LSG1: variants seen among roughly 807,000 people sequenced by gnomAD.
The protein encoded by LSG1 is large 60S subunit nuclear export GTPase 1.
A neutral mutation model predicts 82.6 loss-of-function variants in LSG1; 55 were observed. The observed-to-expected ratio is 0.67, with a 90% CI of 0.54 to 0.83. LSG1 has a LOEUF of 0.83. Ranked by LOEUF, LSG1 falls within the 40% of genes least tolerant of loss-of-function variation. The probability of loss-of-function intolerance (pLI) is 0.00; values close to 1 mark genes in which losing one functional copy is unlikely to be tolerated. For missense variants in LSG1, 809 were observed against 807.9 expected (o/e 1.00, Z -0.02); for synonymous variants, 272 against 282.5 (o/e 0.96, Z 0.37).
rs1718386160 is a variant in LSG1 at position 194,641,687 on chromosome 3, C to T, written c.*381G>A. On this transcript the variant is annotated 3_prime_UTR_variant, in exon 14 of 14. Coordinates refer to ENST00000265245, the MANE Select transcript of LSG1 (RefSeq NM_018385.3). ...GGAGTGCAGCGGCGCAATCTCCATT[C>T]ACTGCAAACTCTGCCTCCCTGGTTC... The T allele has an allele frequency of 6.3e-6, 1 of 158,686 alleles. No homozygotes were observed. Among genetic ancestry groups the T allele is most frequent in the Non-Finnish European group, 1.4e-5 (1 of 72,330 alleles). The allele number at this position is 158,686 out of a possible 1,614,324, so 9.8% of individuals were successfully genotyped here. A position where few individuals can be genotyped will look rare whatever the true frequency, so the allele number is the denominator to read the frequency against.
intron 7 of LSG1, among the ~76,000 whole-genome samples, chr3:194,655,158 T>C (rs1160283266): frequency 6.6e-6 from 1 of 152,194 alleles, no homozygotes; most frequent in African/African-American, 2.4e-5. Flanking sequence ...ATATCTTCCA[T>C]AAACTATACA....
chr3:194,649,911 T>A (rs1718638735), intron 10 of LSG1, among the ~76,000 whole-genome samples: 1 of 151,788 alleles, frequency 6.6e-6, no homozygotes, highest in African/African-American at 2.4e-5. Flanking sequence ...TGCAGTTTTT[T>A]TTTTCTTTCA....
chr3:194,651,120 AGTGCTTTGT>A lies in LSG1; in HGVS notation c.1261_1269del (p.Thr421_His423del), dbSNP rs758497127. 6.2e-7 allele frequency: 1 copy of A among 1,614,196 alleles called. No homozygotes were observed. Among genetic ancestry groups the A allele is most frequent in the East Asian group, 2.2e-5 (1 of 44,886 alleles). On this transcript the variant is annotated inframe_deletion, in exon 9 of 14. Coordinates refer to ENST00000265245, the MANE Select transcript of LSG1 (RefSeq NM_018385.3). ...GCAAAGCACCACAGAAATACCTGAA[AGTGCTTTGT>A]GTGACCAGGTGTGGCAGACACAGAT...
chr3:194,667,278 T>TGACCTCAGGTGATCCGCC (rs1183873961), intron 2 of LSG1, among the ~76,000 whole-genome samples: 1 of 152,116 alleles, frequency 6.6e-6, no homozygotes, highest in Non-Finnish European at 1.5e-5. Flanking sequence ...CTCGAACTAC[T>TGACCTCAGGTGATCCGCC]GACCTCAGGT....
chr3:194,667,676 C>G (rs947994523), intron 2 of LSG1, among the ~76,000 whole-genome samples: 3 of 151,572 alleles, frequency 2.0e-5, no homozygotes, highest in Admixed American at 6.6e-5. Context: ...GTAATCCCAG[C>G]ACTTTGGGAG....
In LSG1 at chr3:194,644,688, T is replaced by G; in HGVS notation, c.1682A>C (p.Gln561Pro). 1 of 1,610,654 alleles carries G rather than the reference T, an allele frequency of 6.2e-7. No individual in the cohort carries two copies. Among genetic ancestry groups the G allele is most frequent in the Non-Finnish European group, 8.5e-7 (1 of 1,178,094 alleles). The change falls in exon 13 of 14, where the codon CAA becomes CCA. Residue 561 changes from glutamine (Q) to proline (P), a missense_variant. Physicochemically the swap from Gln to Pro is moderately conservative, Grantham distance 76. Transcript: ENST00000265245. Reference protein sequence around the residue: ...PGRDPVTFQHQHQRLLENKMN... With the variant: ...PGRDPVTFQHPHQRLLENKMN... ...TTTGTTCTCTAGGAGTCGCTGGTGT[T>G]GATGCTGAAAAGTTACAGGATCTCT...
At chr3:194,660,048 T>C (rs1718892038) in intron 6 of LSG1, 25 bp downstream of exon 6, 5 of 1,603,250 alleles carry the variant, frequency 3.1e-6, no homozygotes, top group Middle Eastern at 1.7e-4. Flanking sequence ...GGACTGATGT[T>C]TGAATTTTGT....
At chr3:194,667,298 G>A (rs564131756) in intron 2 of LSG1, among the ~76,000 whole-genome samples, 31 of 152,074 alleles carry the variant, frequency 2.0e-4, no homozygotes, top group African/African-American at 4.3e-4. Flanking sequence ...TGATCCGCCC[G>A]CCTCGGCCTC....
Position 194,641,771 on chromosome 3 carries a change from GCC to G in LSG1, c.*295_*296del. ...TGGGATTACAGGTGCGCGCCACCAC[GCC>G]TGGCTAATTTTTTTGTATTTTTAGT... On this transcript the variant is annotated 3_prime_UTR_variant, in exon 14 of 14. Coordinates refer to ENST00000265245, the MANE Select transcript of LSG1 (RefSeq NM_018385.3). The G allele has an allele frequency of 4.6e-6, 1 of 218,406 alleles. No individual in the cohort carries two copies. Among genetic ancestry groups the G allele is most frequent in the Non-Finnish European group, 9.0e-6 (1 of 111,310 alleles). The allele number at this position is 218,406 out of a possible 1,614,324, so 13.5% of individuals were successfully genotyped here.
chr3:194,644,384 AAATAAATAAAT>A (rs1560218776), intron 13 of LSG1, among the ~76,000 whole-genome samples, 178 bp downstream of exon 13: 1,036 of 99,258 alleles, frequency 0.01, 42 homozygotes, highest in African/African-American at 0.016. Flanking sequence ...AAAAAAATAA[AAATAAATAAAT>A]AAATAAATAA....
chr3:194,658,806 C>A, intron 7 of LSG1, 151 bp downstream of exon 7: 1 of 766,922 alleles, frequency 1.3e-6, no homozygotes, highest in South Asian at 2.0e-5. Context: ...TTGTGATTCA[C>A]TTTCTATAGG....
At chr3:194,666,381 A>C (rs1416956326) in intron 3 of LSG1, 71 bp downstream of exon 3, 9 of 1,600,742 alleles carry the variant, frequency 5.6e-6, no homozygotes, top group Non-Finnish European at 7.7e-6. Context: ...TGAGAAAAAG[A>C]AGCAATTTAA....
rs1560219016 is a variant in LSG1, at chr3:194,644,619, T to G, written c.1751A>C (p.Lys584Thr). 6.2e-7 allele frequency: 1 copy of G among 1,613,030 alleles called. No individual in the cohort carries two copies. Residue 584 changes from lysine to threonine, a missense_variant, in exon 13 of 14, where the codon AAA (lysine) becomes ACA (threonine). Transcript: ENST00000265245. ...EIKMQLGRNK[K>T]AKQIENIVDK... ...AACGATATTTTCAATCTGCTTTGCT[T>G]TTTTATTTCTGCCTAGCTGCATTTT...
rs565226569 is a variant in LSG1 at position 194,654,187 on chromosome 3, CCT to C, written c.760-1047_760-1046del. On this transcript the variant is annotated intron_variant, in intron 7 of 13. Transcript: ENST00000265245. The stretch of plus-strand genomic sequence containing the variant: ...AAGCACCATGGAGCACACACAGATC[CCT>C]GTGTGTGAAATGTGGCAGCAAAACT... Among the ~76,000 whole-genome samples the C allele has an allele frequency of 1.5e-3, 227 of 152,228 alleles. 2 individuals carry two copies. Among genetic ancestry groups the C allele is most frequent in the Admixed American group, 4.1e-3 (63 of 15,292 alleles).
chr3:194,661,198 T>C (rs1172573204), intron 5 of LSG1, among the ~76,000 whole-genome samples: 1 of 152,198 alleles, frequency 6.6e-6, no homozygotes, highest in African/African-American at 2.4e-5. Context: ...ACTCACAGAG[T>C]TGCTAATTTT....
At chr3:194,656,317 C>G (rs1577255603) in intron 7 of LSG1, among the ~76,000 whole-genome samples, 1 of 146,546 alleles carries the variant, frequency 6.8e-6, no homozygotes, top group Non-Finnish European at 1.5e-5. Context: ...AAAAAACAAC[C>G]CCATCAAAAA....
At position 194,648,682 on chromosome 3, in the gene LSG1, T is replaced by C; in HGVS notation, c.1542A>G (p.Gly514=). 1 of 1,613,866 alleles carries C rather than the reference T, an allele frequency of 6.2e-7. No homozygotes were observed. The highest frequency in any genetic ancestry group is 8.5e-7 in the Non-Finnish European group (1 of 1,179,870). Residue 514 remains glycine, a splice_region_variant and synonymous_variant, in exon 11 of 14, where the codon GGA becomes GGG. Coordinates refer to ENST00000265245, the MANE Select transcript of LSG1 (RefSeq NM_018385.3). ...ATTTTCTGATGAATCACAACTTACA[T>C]CCATAAGCTGTCAACAGTTCTTCCG... ...PTSEELLTAY[G]YMRGFMTAHG... is the part of the protein sequence containing the mutation.
intron 11 of LSG1, among the ~76,000 whole-genome samples, chr3:194,648,381 A>G (rs1718598079): frequency 2.0e-5 from 3 of 151,842 alleles, no homozygotes; most frequent in South Asian, 4.2e-4. Context: ...TTTCTTCCAC[A>G]CATCCGCTTT....
chr3:194,644,851 G>T, intron 12 of LSG1, 105 bp from the exon 13 acceptor site: 1 of 875,836 alleles, frequency 1.1e-6, no homozygotes, highest in Non-Finnish European at 1.6e-6. Flanking sequence ...TCTGCCTTCT[G>T]GTTAAGTTAG....
Sources: allele counts gnomAD v4.1 joint callset (sites outside exome capture counted in the v4.1 genomes callset), GRCh38; gene constraint gnomAD v4.1.1; transcripts MANE v1.5; gene names NCBI Gene and HGNC (gene_info 2026-07-23, HGNC 2026-07-21).